TYW1B: variants seen among roughly 807,000 people sequenced by gnomAD.
TYW1B encodes tRNA-yW synthesizing protein 1 homolog B, also known as S-adenosyl-L-methionine-dependent tRNA 4-demethylwyosine synthase TYW1B.
Under a neutral mutation model 86.9 loss-of-function variants are expected in TYW1B, and 73 were observed. The ratio of observed to expected loss-of-function variants is 0.84; its 90% CI spans 0.70 to 1.02. TYW1B has a LOEUF of 1.02. Ranked by LOEUF, TYW1B falls within the 50% of genes least tolerant of loss-of-function variation. The probability of loss-of-function intolerance (pLI) is 0.00; values close to 1 mark genes in which losing one functional copy is unlikely to be tolerated. For missense variants in TYW1B, 637 were observed against 827.4 expected (o/e 0.77, Z 2.82); for synonymous variants, 248 against 292.8 (o/e 0.85, Z 1.56).
chr7:72,776,161 G>A (rs1563090335), intron 7 of TYW1B, among the ~76,000 whole-genome samples: 1 of 151,802 alleles, frequency 6.6e-6, no homozygotes, highest in Non-Finnish European at 1.5e-5. Context: ...AAAAACAAAA[G>A]TAAAAGTAAA....
Position 72,810,481 on chromosome 7 carries a change from T to A in TYW1B, c.422A>T (p.His141Leu), listed in dbSNP as rs1554477865. 1 of 1,611,494 alleles carries A rather than the reference T, an allele frequency of 6.2e-7. No individual in the cohort carries two copies. Among genetic ancestry groups the A allele is most frequent in the Admixed American group, 1.7e-5 (1 of 59,314 alleles). The change falls in exon 4 of 14, where the codon CAC becomes CTC. Residue 141 changes from histidine to leucine, a missense_variant. Coordinates refer to ENST00000620995, the MANE Select transcript of TYW1B (RefSeq NM_001145440.3). Reference sequence around the variant, plus strand: ...TCAATATAGACCTACCTTGTTGAAGTGGCTAGCATAGGCAGAATTTCCCAG... The same window carrying A: ...TCAATATAGACCTACCTTGTTGAAGAGGCTAGCATAGGCAGAATTTCCCAG... ...FGLGNSAYASHFNKVGKNVDK... is the reference protein window; with the variant it reads ...FGLGNSAYASLFNKVGKNVDK...
At chr7:72,642,085 C>A (rs1554441519) in intron 11 of TYW1B, among the ~76,000 whole-genome samples, 2 of 152,144 alleles carry the variant, frequency 1.3e-5, no homozygotes, top group Admixed American at 6.6e-5. Flanking sequence ...CACTTAGCGG[C>A]CAATTGATTT....
intron 13 of TYW1B, among the ~76,000 whole-genome samples, chr7:72,596,406 AATAATCAAAACAGTGTGATACTGGC>A (rs1478299419): frequency 2.0e-5 from 3 of 152,150 alleles, no homozygotes; most frequent in African/African-American, 7.2e-5. Context: ...ACAAAGCTAT[AATAATCAAAACAGTGTGATACTGGC>A]ATAAAGACAG....
At chr7:72,822,322 A>G (rs1461734810) in intron 2 of TYW1B, among the ~76,000 whole-genome samples, 1 of 152,118 alleles carries the variant, frequency 6.6e-6, no homozygotes, top group Non-Finnish European at 1.5e-5. Context: ...GGGAAAAAAA[A>G]TTCATCCAAG....
intron 8 of TYW1B, among the ~76,000 whole-genome samples, chr7:72,731,528 T>C (rs1272912381): frequency 6.6e-6 from 1 of 151,604 alleles, no homozygotes; most frequent in Non-Finnish European, 1.5e-5. Flanking sequence ...AGATATAAAC[T>C]GGCTGAATGA....
intron 13 of TYW1B, among the ~76,000 whole-genome samples, chr7:72,608,948 C>CTAA (rs1368689868): frequency 1.3e-5 from 2 of 152,176 alleles, no homozygotes; most frequent in African/African-American, 4.8e-5. Flanking sequence ...CGGCACAGAA[C>CTAA]TAAACACACA....
chr7:72,772,701 G>A (rs1261630205), intron 7 of TYW1B, among the ~76,000 whole-genome samples: 1 of 152,106 alleles, frequency 6.6e-6, no homozygotes, highest in African/African-American at 2.4e-5. Context: ...CGTTTCTCAT[G>A]AGGCTTCAGG....
chr7:72,705,400 T>C (rs1182235224), intron 10 of TYW1B, among the ~76,000 whole-genome samples: 9 of 152,270 alleles, frequency 5.9e-5, no homozygotes, highest in African/African-American at 1.7e-4. Context: ...ATAGTTTCAA[T>C]GAAAAGGTGT....
rs1381993877 is a variant in TYW1B, at chr7:72,577,192, A to C, written c.1786-1473T>G. 2.1e-5 allele frequency among the ~76,000 whole-genome samples: 3 copies of C among 142,830 alleles called. No homozygotes were observed. In the Admixed American group the frequency reaches 2.2e-4, roughly 10 times the overall value. 93.7% of individuals were successfully genotyped at this position (142,830 alleles called of 152,430 possible). A position where few individuals can be genotyped will look rare whatever the true frequency, so the allele number is the denominator to read the frequency against. ...TAAGGAAAAATTTCCTGTTCTAGCC[A>C]CAAAAAAAAAAAAGAAAAGAAAATA... is the stretch of plus-strand genomic sequence containing the variant. On this transcript the variant is annotated intron_variant, in intron 13 of 13. Transcript: ENST00000620995.
intron 13 of TYW1B, among the ~76,000 whole-genome samples, chr7:72,594,535 G>A (rs1184178391): frequency 2.0e-5 from 3 of 152,096 alleles, no homozygotes; most frequent in Non-Finnish European, 4.4e-5. Flanking sequence ...ACGAAGAAAA[G>A]CCCTGGACCT....
At chr7:72,598,478 T>A (rs1811586272) in intron 13 of TYW1B, among the ~76,000 whole-genome samples, 1 of 152,028 alleles carries the variant, frequency 6.6e-6, no homozygotes, top group Non-Finnish European at 1.5e-5. Context: ...GGAAAAGTTG[T>A]ACAGAAAAGG....
intron 6 of TYW1B, among the ~76,000 whole-genome samples, chr7:72,788,030 T>G (rs1302937413): frequency 6.6e-6 from 1 of 151,926 alleles, no homozygotes; most frequent in Non-Finnish European, 1.5e-5. Context: ...CAGGCTGGAG[T>G]GCAGTGGCAC....
intron 7 of TYW1B, among the ~76,000 whole-genome samples, chr7:72,749,912 G>GTTTTTTTTTTTTTTTT (rs35656387): frequency 8.4e-6 from 1 of 119,008 alleles, no homozygotes; most frequent in Non-Finnish European, 1.6e-5. Context: ...GGTTTTTTTT[G>GTTTTTTTTTTTTTTTT]TTTTTTTTTT....
intron 13 of TYW1B, among the ~76,000 whole-genome samples, chr7:72,588,327 T>C (rs1211235639): frequency 1.3e-5 from 2 of 152,238 alleles, no homozygotes; most frequent in African/African-American, 4.8e-5. Flanking sequence ...GTTACCAAAA[T>C]GCCAATTTCC....
chr7:72,793,749 C>G (rs11981358), intron 6 of TYW1B, among the ~76,000 whole-genome samples: 1 of 144,146 alleles, frequency 6.9e-6, no homozygotes, highest in African/African-American at 2.6e-5. Context: ...AACGAGACTC[C>G]GTCTCAAAAA....
intron 10 of TYW1B, among the ~76,000 whole-genome samples, chr7:72,695,579 T>C (rs1554451310): frequency 2.0e-5 from 3 of 152,052 alleles, no homozygotes; most frequent in Non-Finnish European, 4.4e-5. Context: ...AGTAGGTCCT[T>C]CTCCTACTAG....
chr7:72,717,008 G>C (rs1158747216), intron 9 of TYW1B, among the ~76,000 whole-genome samples: 5 of 151,848 alleles, frequency 3.3e-5, no homozygotes, highest in Non-Finnish European at 5.9e-5. Flanking sequence ...CTTGTAAAAA[G>C]CATGCAGTTT....
intron 11 of TYW1B, among the ~76,000 whole-genome samples, chr7:72,651,777 A>G (rs1236721789): frequency 6.6e-6 from 1 of 152,174 alleles, no homozygotes; most frequent in Non-Finnish European, 1.5e-5. Context: ...ACCAAAACAG[A>G]TACTTCAAAA....
At chr7:72,605,900 C>T (rs2129568156) in intron 13 of TYW1B, among the ~76,000 whole-genome samples, 1 of 152,252 alleles carries the variant, frequency 6.6e-6, no homozygotes, top group East Asian at 1.9e-4. Flanking sequence ...ATTGGCATTA[C>T]TGTTCACTAG....
Sources: allele counts gnomAD v4.1 joint callset (sites outside exome capture counted in the v4.1 genomes callset), GRCh38; gene constraint gnomAD v4.1.1; transcripts MANE v1.5; gene names NCBI Gene and HGNC (gene_info 2026-07-23, HGNC 2026-07-21).